A2ML1: variants seen among roughly 807,000 people sequenced by gnomAD.
The protein encoded by A2ML1 is alpha-2-macroglobulin like 1.
A2ML1 carries 161 observed loss-of-function variants against 181.9 expected under a neutral mutation model. That is an observed-to-expected ratio of 0.89 (90% CI 0.78 to 1.01). The LOEUF is 1.01. A2ML1 is among the 50% of genes least tolerant of loss of function. The pLI is 0.00. For synonymous variants in A2ML1, 663 were observed against 666.8 expected (o/e 0.99, Z 0.09); for missense variants, 1,670 against 1,768.1 (o/e 0.94, Z 1.00).
chr12:8,867,032 A>G (rs1246567094), intron 29 of A2ML1, among the ~76,000 whole-genome samples: 2 of 152,344 alleles, frequency 1.3e-5, no homozygotes, highest in South Asian at 4.1e-4. Flanking sequence ...CCAGAGAAAT[A>G]AAAGATTGTC....
intron 7 of A2ML1, among the ~76,000 whole-genome samples, chr12:8,884,234 TTTTTTTGTTTTG>T (rs1944898200): frequency 6.9e-6 from 1 of 144,384 alleles, no homozygotes; most frequent in African/African-American, 2.6e-5. Flanking sequence ...ATTTTTTGTT[TTTTTTTGTTTTG>T]TTTTTTTTTA....
chr12:8,869,646 T>C (rs149441702), intron 33 of A2ML1, among the ~76,000 whole-genome samples: 61 of 152,274 alleles, frequency 4.0e-4, no homozygotes, highest in African/African-American at 1.5e-3. Flanking sequence ...ATCTCAATTC[T>C]GACTGACCTC....
intron 33 of A2ML1, among the ~76,000 whole-genome samples, chr12:8,869,824 G>A (rs572932521): frequency 3.3e-4 from 50 of 152,248 alleles, no homozygotes; most frequent in Non-Finnish European, 6.0e-4. Flanking sequence ...TGTGTGGGTA[G>A]GGGTCAAAAT....
At chr12:8,872,844 A>G (rs1467300525) in intron 33 of A2ML1, among the ~76,000 whole-genome samples, 1 of 152,112 alleles carries the variant, frequency 6.6e-6, no homozygotes, top group East Asian at 1.9e-4. Flanking sequence ...AAAAAATAAG[A>G]ATGGTGACAT....
chr12:8,869,424 C>T (rs1273147636), intron 33 of A2ML1, among the ~76,000 whole-genome samples: 2 of 150,284 alleles, frequency 1.3e-5, no homozygotes, highest in African/African-American at 2.4e-5. Context: ...GAGCCGTTTA[C>T]GACATTTGAA....
chr12:8,854,903 T>TA (rs1944010915), intron 22 of A2ML1, 72 bp downstream of exon 22: 2 of 1,563,004 alleles, frequency 1.3e-6, no homozygotes, highest in Admixed American at 1.9e-5. Flanking sequence ...TTCATTTTTT[T>TA]TTTTTTTTTG....
At chr12:8,884,538 CT>C (rs1314765927) in intron 7 of A2ML1, among the ~76,000 whole-genome samples, 1 of 151,700 alleles carries the variant, frequency 6.6e-6, no homozygotes, top group Non-Finnish European at 1.5e-5. Context: ...TTTTCTTTTT[CT>C]TTTTTTTCTT....
Position 8,825,755 on chromosome 12 carries a change from T to C in A2ML1, c.409+1873T>C, listed in dbSNP as rs777635906. On this transcript the variant is annotated intron_variant, in intron 3 of 35. Transcript: ENST00000299698. The stretch of plus-strand genomic sequence containing the variant: ...GTATTAGATTTAAATCTTTCATCCA[T>C]TTTGACTTGATTTTTCTATATGGAG... Among the ~76,000 whole-genome samples the C allele has an allele frequency of 1.1e-4, 17 of 152,316 alleles. No homozygotes were observed. The South Asian group carries it at 3.3e-3, about 30-fold the overall frequency.
chr12:8,822,728 T>A lies in A2ML1; in HGVS notation c.62+15T>A, dbSNP rs775480583. 6.2e-7 allele frequency: 1 copy of A among 1,613,770 alleles called. No homozygotes were observed. Among genetic ancestry groups the A allele is most frequent in the Admixed American group, 1.7e-5 (1 of 60,008 alleles). ...GAAGAACTTCCGTGAGTGCTTGGTG[T>A]CAGAATTGGTTTATTAGGGCAGCGG... is the stretch of plus-strand genomic sequence containing the variant. On this transcript the variant is annotated intron_variant, in intron 1 of 35. Transcript: ENST00000299698.
At position 8,875,013 on chromosome 12, in the gene A2ML1, G is replaced by A. The variant is rs1057518179; in HGVS notation, c.*1+1G>A. ...CAGTATTCTGATCCCTGTGAATGAG[G>A]TAAGTCCAGCGGAGAAATGGGTGGA... On this transcript the variant is annotated splice_donor_variant, in intron 35 of 35. Transcript: ENST00000299698. LOFTEE classifies it low-confidence loss of function (3UTR_SPLICE). 4.3e-6 allele frequency: 7 copies of A among 1,613,926 alleles called. No homozygotes were observed. Among genetic ancestry groups the A allele is most frequent in the Non-Finnish European group, 5.9e-6 (7 of 1,179,956 alleles).
chr12:8,823,338 G>A lies in A2ML1; in HGVS notation c.219G>A (p.Lys73=). 1 of 1,613,996 alleles carries A rather than the reference G, an allele frequency of 6.2e-7. No homozygotes were observed. Among genetic ancestry groups the A allele is most frequent in the African/African-American group, 1.3e-5 (1 of 75,010 alleles). Residue 73 remains lysine, a synonymous_variant, in exon 2 of 36, where the codon AAG becomes AAA. Transcript: ENST00000299698. ...TGCTAGAATACTCTGGACTGAAGAA[G>A]AGGCACTTACATTGTATCTCCTTTC... ...QKLLEYSGLK[K]RHLHCISFLV...
Position 8,835,638 on chromosome 12 carries a change from C to G in A2ML1, c.615C>G (p.Thr205=), listed in dbSNP as rs1468979446. ...CTGTGGCAGTGGCTGAGGGCAAGAC[C>G]TTTGGTACTTTCAGTGTGGAGGAAT... ...TYTVAVAEGK[T]FGTFSVEEYV... is the part of the protein sequence containing the mutation. Residue 205 remains threonine (T), a synonymous_variant, in exon 6 of 36, where the codon ACC becomes ACG. Coordinates refer to ENST00000299698, the MANE Select transcript of A2ML1 (RefSeq NM_144670.6). 1.2e-6 allele frequency: 2 copies of G among 1,614,142 alleles called. No homozygotes were observed. Among genetic ancestry groups the G allele is most frequent in the Non-Finnish European group, 8.5e-7 (1 of 1,180,004 alleles).
At chr12:8,843,916 T>G (rs1176280034) in intron 12 of A2ML1, among the ~76,000 whole-genome samples, 1 of 152,064 alleles carries the variant, frequency 6.6e-6, no homozygotes, top group African/African-American at 2.4e-5. Context: ...GAGACGGGGT[T>G]TCACCATGTT....
chr12:8,828,293 C>A (rs1189114261), intron 3 of A2ML1, among the ~76,000 whole-genome samples: 7 of 152,198 alleles, frequency 4.6e-5, no homozygotes, highest in Non-Finnish European at 8.8e-5. Flanking sequence ...TGTTCTACTG[C>A]AGCTGAGTTG....
intron 7 of A2ML1, 141 bp downstream of exon 7, chr12:8,836,480 C>CG: frequency 1.9e-6 from 1 of 528,490 alleles, no homozygotes; most frequent in South Asian, 2.5e-5. Context: ...TTATCCAAGA[C>CG]CTTTTTTTTT....
rs756656605 is a variant in A2ML1 at position 8,832,943 on chromosome 12, A to T, written c.463-1719A>T. ...TGATTGCTATACTCAGTTATTCAGA[A>T]ACTCCAGGCAACTTCCAGTCGGAAA... On this transcript the variant is annotated intron_variant, in intron 4 of 35. Transcript: ENST00000299698. Among the ~76,000 whole-genome samples, 4 of 151,640 alleles carry T rather than the reference A, an allele frequency of 2.6e-5. No individual in the cohort carries two copies. In the South Asian group the frequency reaches 8.3e-4, roughly 32 times the overall value.
intron 1 of A2ML1, 47 bp downstream of exon 1, chr12:8,822,760 C>T (rs924382311): frequency 1.5e-5 from 23 of 1,570,412 alleles, no homozygotes; most frequent in Admixed American, 3.4e-5. Context: ...GCGGCTTCTT[C>T]GCCTAACTTT....
At chr12:8,861,638 C>T (rs1353815374) in intron 28 of A2ML1, among the ~76,000 whole-genome samples, 2 of 152,036 alleles carry the variant, frequency 1.3e-5, no homozygotes. Context: ...CAGGCGCCCA[C>T]CACCACGCCC....
chr12:8,860,873 G>A lies in A2ML1; in HGVS notation c.3265-8G>A, dbSNP rs1216994504. On this transcript the variant is annotated splice_polypyrimidine_tract_variant and splice_region_variant and intron_variant, in intron 26 of 35. Transcript: ENST00000299698. The stretch of plus-strand genomic sequence containing the variant: ...GCCCTGACTCACTGCCTCCCTGTTT[G>A]CCTCTAGGGTGGTGTTGATGATGAG... The A allele has an allele frequency of 1.2e-6, 2 of 1,613,848 alleles. No homozygotes were observed. Among genetic ancestry groups the A allele is most frequent in the Admixed American group, 1.7e-5 (1 of 59,992 alleles).
Sources: gnomAD v4.1 joint callset for allele counts (sites outside exome capture counted in the v4.1 genomes callset) on GRCh38, gnomAD v4.1.1 for gene constraint, MANE v1.5 for transcripts, NCBI Gene and HGNC (gene_info 2026-07-23, HGNC 2026-07-21) for gene names.